Variants in MSRB3 observed in about 807,000 individuals in gnomAD.
MSRB3 encodes the protein methionine sulfoxide reductase B3.
A neutral mutation model predicts 21.0 loss-of-function variants in MSRB3; 13 were observed. That is an observed-to-expected ratio of 0.62 (90% CI 0.40 to 0.98). MSRB3 has a LOEUF of 0.98. Ranked by LOEUF, MSRB3 falls within the 50% of genes least tolerant of loss-of-function variation. The pLI, the probability that MSRB3 is intolerant of heterozygous loss-of-function variation, is 0.00. For synonymous variants in MSRB3, 87 were observed against 88.6 expected, an observed-to-expected ratio of 0.98 and a Z score of 0.10; for missense variants, 199 against 230.3, an observed-to-expected ratio of 0.86 and a Z score of 0.88.
intron 1 of MSRB3, among the ~76,000 whole-genome samples, chr12:65,287,738 G>A (rs1872453318): frequency 6.6e-6 from 1 of 152,070 alleles, no homozygotes; most frequent in South Asian, 2.1e-4. Flanking sequence ...ATCGCCTTAG[G>A]GGGCCAGGAA....
chr12:65,433,417 T>A (rs185889356), intron 5 of MSRB3, among the ~76,000 whole-genome samples: 63 of 152,026 alleles, frequency 4.1e-4, no homozygotes, highest in African/African-American at 1.5e-3. Flanking sequence ...AAAAAAAAAT[T>A]TTTTTAATTG....
intron 1 of MSRB3, among the ~76,000 whole-genome samples, chr12:65,295,686 T>A (rs1181160367): frequency 4.1e-4 from 62 of 152,270 alleles, no homozygotes; most frequent in Non-Finnish European, 5.9e-5. Context: ...ATAGGAGGAT[T>A]ACAAAGAAGC....
In MSRB3 at chr12:65,278,858, G is replaced by T. The variant is rs758604106; in HGVS notation, c.-59G>T. 3.8e-6 allele frequency: 6 copies of T among 1,559,228 alleles called. No homozygotes were observed. The highest frequency in any genetic ancestry group is 5.2e-6 in the Non-Finnish European group (6 of 1,151,404). The stretch of plus-strand genomic sequence containing the variant: ...GCCTGGCCGCGGCTCTGGGAAGTGC[G>T]CAGTCCGGTAAGTTCGGGCTCCCCT... On this transcript the variant is annotated 5_prime_UTR_variant, in exon 1 of 7. Coordinates refer to ENST00000308259, the MANE Select transcript of MSRB3 (RefSeq NM_001031679.3).
At chr12:65,403,648 G>C (rs1344898067) in intron 5 of MSRB3, among the ~76,000 whole-genome samples, 9 of 152,058 alleles carry the variant, frequency 5.9e-5, no homozygotes, top group Non-Finnish European at 4.4e-5. Context: ...GGTGCCACTG[G>C]GGTATGAAAA....
At chr12:65,377,345 A>G (rs999349385) in intron 5 of MSRB3, among the ~76,000 whole-genome samples, 1 of 152,092 alleles carries the variant, frequency 6.6e-6, no homozygotes, top group African/African-American at 2.4e-5. Context: ...CAGTGGCACA[A>G]TCTTGGCTCC....
At chr12:65,362,359 GAC>G (rs1369665154) in intron 4 of MSRB3, among the ~76,000 whole-genome samples, 1 of 152,144 alleles carries the variant, frequency 6.6e-6, no homozygotes, top group East Asian at 1.9e-4. Context: ...ATCACCAGCA[GAC>G]TTTACCTTTC....
At chr12:65,411,396 C>T (rs1880708566) in intron 5 of MSRB3, among the ~76,000 whole-genome samples, 1 of 152,034 alleles carries the variant, frequency 6.6e-6, no homozygotes, top group African/African-American at 2.4e-5. Context: ...AAAATATGTC[C>T]TTCCTATGAC....
intron 2 of MSRB3, among the ~76,000 whole-genome samples, chr12:65,320,748 G>T (rs968899774): frequency 6.6e-6 from 1 of 152,156 alleles, no homozygotes; most frequent in Non-Finnish European, 1.5e-5. Context: ...TCTCTTGGAA[G>T]TAAAAAAAGG....
chr12:65,301,397 G>A lies in MSRB3; in HGVS notation c.-51-7132G>A, dbSNP rs181725777. ...CAAGAAATGATGGTTGAAGTTGTAA[G>A]AATAGGTAAAATCTACACGGAAATT... On this transcript the variant is annotated intron_variant, in intron 1 of 6. Transcript: ENST00000308259. 5.0e-3 allele frequency among the ~76,000 whole-genome samples: 764 copies of A among 152,082 alleles called. 1 individual carries two copies. Among genetic ancestry groups the A allele is most frequent in the Middle Eastern group, 0.014 (4 of 294 alleles).
intron 5 of MSRB3, among the ~76,000 whole-genome samples, chr12:65,396,149 C>G (rs1047465205): frequency 6.6e-6 from 1 of 152,140 alleles, no homozygotes; most frequent in South Asian, 2.1e-4. Context: ...CTATAATTTT[C>G]CTATAAGCAC....
chr12:65,383,505 T>C (rs1426292119), intron 5 of MSRB3, among the ~76,000 whole-genome samples: 1 of 152,156 alleles, frequency 6.6e-6, no homozygotes, highest in African/African-American at 2.4e-5. Flanking sequence ...TCACTTTAAT[T>C]ATGCCATTAA....
At chr12:65,323,858 A>G (rs1874846834) in intron 2 of MSRB3, among the ~76,000 whole-genome samples, 1 of 152,164 alleles carries the variant, frequency 6.6e-6, no homozygotes, top group East Asian at 1.9e-4. Context: ...GTATAGCTTT[A>G]AATTGTCCAG....
chr12:65,374,499 T>C (rs1353155466), intron 5 of MSRB3, among the ~76,000 whole-genome samples: 3 of 152,190 alleles, frequency 2.0e-5, no homozygotes, highest in Non-Finnish European at 4.4e-5. Flanking sequence ...GACTAAAACT[T>C]AAATCTAAAT....
At chr12:65,346,524 A>T (rs1177664800) in intron 4 of MSRB3, among the ~76,000 whole-genome samples, 1 of 152,002 alleles carries the variant, frequency 6.6e-6, no homozygotes, top group Non-Finnish European at 1.5e-5. Context: ...ATTTTCTCCC[A>T]TTCTGTAGGT....
At chr12:65,379,716 G>A (rs192359339) in intron 5 of MSRB3, among the ~76,000 whole-genome samples, 21 of 152,308 alleles carry the variant, frequency 1.4e-4, no homozygotes, top group African/African-American at 5.1e-4. Context: ...TAGCTGAGTA[G>A]TATAAATTGG....
At chr12:65,419,439 G>T in intron 5 of MSRB3, 1 of 748,952 alleles carries the variant, frequency 1.3e-6, no homozygotes, top group South Asian at 1.4e-5. Flanking sequence ...GCAGCTGAGT[G>T]ACACTGGTGT....
At chr12:65,287,695 A>AT (rs1468011775) in intron 1 of MSRB3, among the ~76,000 whole-genome samples, 1 of 152,046 alleles carries the variant, frequency 6.6e-6, no homozygotes, top group African/African-American at 2.4e-5. Context: ...CTTGTTTCTG[A>AT]TTTTGTGGGG....
At chr12:65,335,692 C>T (rs147847280) in intron 4 of MSRB3, among the ~76,000 whole-genome samples, 4 of 152,198 alleles carry the variant, frequency 2.6e-5, no homozygotes, top group South Asian at 2.1e-4. Flanking sequence ...ACTCAAATCC[C>T]GTCTCCTCAA....
At chr12:65,425,537 G>A (rs1592626611) in intron 5 of MSRB3, among the ~76,000 whole-genome samples, 1 of 151,532 alleles carries the variant, frequency 6.6e-6, no homozygotes, top group East Asian at 1.9e-4. Flanking sequence ...TTTGTTTTAT[G>A]ACTACTATGA....
Sources: gnomAD v4.1 joint callset for allele counts (sites outside exome capture counted in the v4.1 genomes callset) on GRCh38, gnomAD v4.1.1 for gene constraint, MANE v1.5 for transcripts, NCBI Gene and HGNC (gene_info 2026-07-23, HGNC 2026-07-21) for gene names.